Variants in PPP3CA observed in about 807,000 individuals in gnomAD.
PPP3CA encodes protein phosphatase 3 catalytic subunit alpha, also known as CAM-PRP catalytic subunit.
In PPP3CA, 14 loss-of-function variants were observed where a neutral mutation model predicts 66.5. The observed-to-expected ratio is 0.21, with a 90% confidence interval of 0.14 to 0.33. The LOEUF is 0.33. Among genes scored for constraint, PPP3CA ranks in the 10% least tolerant of loss-of-function variants. The pLI, the probability that PPP3CA is intolerant of heterozygous loss-of-function variation, is 1.00. For missense variants in PPP3CA, 317 were observed against 639.5 expected, an observed-to-expected ratio of 0.50 and a Z score of 5.44; for synonymous variants, 232 against 226.2, an observed-to-expected ratio of 1.03 and a Z score of -0.23.
intron 2 of PPP3CA, among the ~76,000 whole-genome samples, chr4:101,191,742 G>A (rs184835380): frequency 2.8e-3 from 425 of 152,268 alleles, no homozygotes; most frequent in Non-Finnish European, 4.6e-3. Context: ...TCTCCTAATT[G>A]ACGTCAGCTG....
chr4:101,047,292 GA>G (rs1273996057), intron 10 of PPP3CA, among the ~76,000 whole-genome samples: 3 of 152,098 alleles, frequency 2.0e-5, no homozygotes, highest in Non-Finnish European at 4.4e-5. Flanking sequence ...TACTCTGATG[GA>G]ATGGCTTCAA....
At chr4:101,075,606 T>C (rs958827964) in intron 8 of PPP3CA, among the ~76,000 whole-genome samples, 1 of 151,880 alleles carries the variant, frequency 6.6e-6, no homozygotes, top group Admixed American at 6.6e-5. Context: ...AGAAAATGAA[T>C]TCAAGTGTTT....
intron 2 of PPP3CA, among the ~76,000 whole-genome samples, chr4:101,137,140 A>G (rs1471357304): frequency 6.6e-6 from 1 of 152,166 alleles, no homozygotes; most frequent in East Asian, 1.9e-4. Context: ...GTCTATTTAA[A>G]TATGTACCTC....
chr4:101,132,794 CA>C (rs1474142926), intron 2 of PPP3CA, among the ~76,000 whole-genome samples: 2 of 151,942 alleles, frequency 1.3e-5, no homozygotes, highest in African/African-American at 4.8e-5. Context: ...GAGACACAAC[CA>C]AAAAAGAAAA....
chr4:101,193,422 C>A (rs182157102), intron 2 of PPP3CA, among the ~76,000 whole-genome samples: 22 of 152,240 alleles, frequency 1.4e-4, no homozygotes, highest in African/African-American at 4.8e-4. Context: ...CAGAAATAGT[C>A]TTCAAATTAA....
intron 1 of PPP3CA, among the ~76,000 whole-genome samples, chr4:101,320,588 TTAG>T (rs1729013652): frequency 6.6e-6 from 1 of 151,980 alleles, no homozygotes; most frequent in Non-Finnish European, 1.5e-5. Context: ...GTCATGTTTC[TTAG>T]AAAGAAATAA....
chr4:101,341,931 A>C (rs966710041), intron 1 of PPP3CA, among the ~76,000 whole-genome samples: 2 of 152,184 alleles, frequency 1.3e-5, no homozygotes, highest in Admixed American at 6.5e-5. Flanking sequence ...ATCTGCAAAA[A>C]TGCTGTTTTC....
chr4:101,222,870 AG>A (rs1725669847), intron 1 of PPP3CA, among the ~76,000 whole-genome samples: 1 of 106,274 alleles, frequency 9.4e-6, no homozygotes, highest in East Asian at 4.4e-4. Context: ...AGTTATCAAG[AG>A]CTAGATTAGC....
intron 1 of PPP3CA, among the ~76,000 whole-genome samples, chr4:101,230,779 C>T (rs1371130808): frequency 1.3e-5 from 2 of 151,772 alleles, no homozygotes; most frequent in East Asian, 3.9e-4. Flanking sequence ...AAACAGAACC[C>T]AATCTGCTTT....
At chr4:101,064,398 TACTC>T (rs1166489332) in intron 8 of PPP3CA, among the ~76,000 whole-genome samples, 3 of 152,122 alleles carry the variant, frequency 2.0e-5, no homozygotes, top group African/African-American at 4.8e-5. Flanking sequence ...TTAAATATGA[TACTC>T]AAGCATACCT....
chr4:101,288,340 C>CA (rs1323486280), intron 1 of PPP3CA, among the ~76,000 whole-genome samples: 1 of 152,030 alleles, frequency 6.6e-6, no homozygotes, highest in Non-Finnish European at 1.5e-5. Flanking sequence ...ACATAAAGGC[C>CA]ATTTATTTTA....
At chr4:101,272,454 C>T (rs1474872443) in intron 1 of PPP3CA, among the ~76,000 whole-genome samples, 1 of 152,124 alleles carries the variant, frequency 6.6e-6, no homozygotes, top group Non-Finnish European at 1.5e-5. Flanking sequence ...GACAATAAGG[C>T]AATCATATCA....
At chr4:101,287,066 T>C (rs1381437031) in intron 1 of PPP3CA, among the ~76,000 whole-genome samples, 2 of 152,090 alleles carry the variant, frequency 1.3e-5, no homozygotes, top group Non-Finnish European at 2.9e-5. Context: ...TTAATATACC[T>C]TTTCTCTTAA....
intron 10 of PPP3CA, among the ~76,000 whole-genome samples, chr4:101,060,756 T>C (rs1728427863): frequency 6.6e-6 from 1 of 152,076 alleles, no homozygotes; most frequent in Non-Finnish European, 1.5e-5. Context: ...GAAAAAATAA[T>C]TGTCCAGTAA....
At chr4:101,234,231 A>C (rs1055993903) in intron 1 of PPP3CA, among the ~76,000 whole-genome samples, 3 of 151,844 alleles carry the variant, frequency 2.0e-5, no homozygotes, top group African/African-American at 7.2e-5. Flanking sequence ...TTTACAGTAG[A>C]ATAATATCTA....
At chr4:101,126,150 C>T (rs541764130) in intron 2 of PPP3CA, among the ~76,000 whole-genome samples, 2 of 152,182 alleles carry the variant, frequency 1.3e-5, no homozygotes, top group South Asian at 4.1e-4. Flanking sequence ...TCAAATCTTA[C>T]AATGTAAAAA....
intron 1 of PPP3CA, among the ~76,000 whole-genome samples, chr4:101,268,567 G>A (rs1727239177): frequency 6.6e-6 from 1 of 152,060 alleles, no homozygotes; most frequent in South Asian, 2.1e-4. Context: ...AATACATAGA[G>A]TAACACTGTA....
At chr4:101,260,718 A>T (rs1726985878) in intron 1 of PPP3CA, among the ~76,000 whole-genome samples, 1 of 152,162 alleles carries the variant, frequency 6.6e-6, no homozygotes, top group African/African-American at 2.4e-5. Context: ...GTTCATCAAA[A>T]GTAATTCATT....
At position 101,127,518 on chromosome 4, in the gene PPP3CA, T is replaced by G. The variant is rs1031119417; in HGVS notation, c.260-18440A>C. On this transcript the variant is annotated intron_variant, in intron 2 of 13. Transcript: ENST00000394854. Reference sequence around the variant, plus strand: ...TGCTGTCACAAGCCAAAAAAAGGCCTGGAGCTACCAGAAGCTGGAAGAGGC... The same window carrying G: ...TGCTGTCACAAGCCAAAAAAAGGCCGGGAGCTACCAGAAGCTGGAAGAGGC... Among the ~76,000 whole-genome samples, 5 of 152,204 alleles carry G rather than the reference T, an allele frequency of 3.3e-5. No homozygotes were observed. In the South Asian group the frequency reaches 1.0e-3, roughly 32 times the overall value.
Sources: allele counts gnomAD v4.1 joint callset (sites outside exome capture counted in the v4.1 genomes callset), GRCh38; gene constraint gnomAD v4.1.1; transcripts MANE v1.5; gene names NCBI Gene and HGNC (gene_info 2026-07-23, HGNC 2026-07-21).